Variants in UNC5B observed in about 807,000 individuals in gnomAD.
UNC5B encodes netrin receptor UNC5B.
In UNC5B, 56 loss-of-function variants were observed where a neutral mutation model predicts 103.7. The ratio of observed to expected loss-of-function variants is 0.54; its 90% CI spans 0.44 to 0.67. The LOEUF (loss-of-function observed/expected upper bound fraction) is 0.67, where lower values mean the gene tolerates loss of function less well. Ranked by LOEUF, UNC5B falls within the 30% of genes least tolerant of loss-of-function variation. The pLI, the probability that UNC5B is intolerant of heterozygous loss-of-function variation, is 0.00. For missense variants in UNC5B, 1,194 were observed against 1,284.5 expected (o/e 0.93, Z 1.08); for synonymous variants, 577 against 542.0 (o/e 1.06, Z -0.90).
Position 71,279,912 on chromosome 10 carries a change from C to T in UNC5B, c.171C>T (p.Ala57=), listed in dbSNP as rs769102644. 51 of 1,613,868 alleles carry T rather than the reference C, an allele frequency of 3.2e-5. No individual in the cohort carries two copies. Among genetic ancestry groups the T allele is most frequent in the Middle Eastern group, 1.6e-4 (1 of 6,078 alleles). The change falls in exon 2 of 17, where the codon GCC becomes GCT. Residue 57 remains alanine, a synonymous_variant. Coordinates refer to ENST00000335350, the MANE Select transcript of UNC5B (RefSeq NM_170744.5). ...LPYFLQEPQD[A]YIVKNKPVEL... ...ACTTCCTGCAGGAGCCACAGGACGC[C>T]TACATTGTGAAGAACAAGCCTGTGG...
chr10:71,246,097 G>A (rs1052320260), intron 1 of UNC5B, among the ~76,000 whole-genome samples: 8 of 152,038 alleles, frequency 5.3e-5, no homozygotes, highest in Non-Finnish European at 1.2e-4. Context: ...GGCTTAGCTG[G>A]GAAACAAGAC....
chr10:71,226,054 CGTTTTTATTT>C (rs973094818), intron 1 of UNC5B, among the ~76,000 whole-genome samples: 3 of 141,448 alleles, frequency 2.1e-5, no homozygotes, highest in African/African-American at 8.3e-5. Flanking sequence ...AGATCATAAG[CGTTTTTATTT>C]ATTTTTATTT....
intron 2 of UNC5B, among the ~76,000 whole-genome samples, chr10:71,281,656 A>T (rs543830802): frequency 1.3e-5 from 2 of 152,342 alleles, no homozygotes; most frequent in South Asian, 4.1e-4. Flanking sequence ...AGGAATTTTT[A>T]AGGGGAAACA....
At position 71,287,769 on chromosome 10, in the gene UNC5B, A is replaced by G. The variant is rs766045996; in HGVS notation, c.901+4A>G. 3.1e-6 allele frequency: 5 copies of G among 1,611,166 alleles called. 1 individual carries two copies. In the South Asian group the frequency reaches 3.3e-5, roughly 11 times the overall value. ...GCCTGCACCACCATCTGCCCAGGTA[A>G]GGAGCCTTGTCCATGTCCAGCCCCA... On this transcript the variant is annotated splice_donor_region_variant and intron_variant, in intron 6 of 16. Transcript: ENST00000335350.
chr10:71,267,936 G>T (rs1397870671), intron 1 of UNC5B, among the ~76,000 whole-genome samples: 1 of 152,188 alleles, frequency 6.6e-6, no homozygotes, highest in Non-Finnish European at 1.5e-5. Flanking sequence ...CCTCCTAACT[G>T]CTGTGTGATC....
At chr10:71,240,399 A>T (rs1194660442) in intron 1 of UNC5B, among the ~76,000 whole-genome samples, 1 of 152,156 alleles carries the variant, frequency 6.6e-6, no homozygotes, top group Non-Finnish European at 1.5e-5. Context: ...GACCCCAGTA[A>T]CCCCAGGAAG....
At chr10:71,230,202 A>C (rs1351819222) in intron 1 of UNC5B, among the ~76,000 whole-genome samples, 4 of 151,814 alleles carry the variant, frequency 2.6e-5, no homozygotes, top group Non-Finnish European at 1.5e-5. Flanking sequence ...CCCTAGGGGA[A>C]CTCAGCTGTG....
At chr10:71,290,296 G>T (rs945132590) in intron 8 of UNC5B, among the ~76,000 whole-genome samples, 1 of 152,084 alleles carries the variant, frequency 6.6e-6, no homozygotes, top group East Asian at 1.9e-4. Flanking sequence ...GGCCATGTTT[G>T]CCTGGGGGAG....
At chr10:71,253,869 C>T (rs1436231485) in intron 1 of UNC5B, among the ~76,000 whole-genome samples, 1 of 152,106 alleles carries the variant, frequency 6.6e-6, no homozygotes, top group African/African-American at 2.4e-5. Flanking sequence ...GTTCAGGGAG[C>T]ATTTGTTAAG....
chr10:71,270,644 G>A (rs1844626854), intron 1 of UNC5B, among the ~76,000 whole-genome samples: 1 of 152,140 alleles, frequency 6.6e-6, no homozygotes, highest in African/African-American at 2.4e-5. Context: ...TGGTCGTGCA[G>A]TGTGAGGCAC....
At chr10:71,293,290 T>A (rs1845313612) in intron 11 of UNC5B, 115 bp from the exon 12 acceptor site, 1 of 1,208,524 alleles carries the variant, frequency 8.3e-7, no homozygotes, top group African/African-American at 1.5e-5. Flanking sequence ...GAGCCCTGAG[T>A]GGCAAAGAGC....
chr10:71,287,485 C>A, intron 5 of UNC5B, 113 bp from the exon 6 acceptor site: 1 of 1,356,452 alleles, frequency 7.4e-7, no homozygotes, highest in Non-Finnish European at 9.9e-7. Context: ...AAAGGGGTCT[C>A]ACTAGGAAGG....
chr10:71,271,765 C>A (rs553889688), intron 1 of UNC5B, among the ~76,000 whole-genome samples: 1 of 152,252 alleles, frequency 6.6e-6, no homozygotes, highest in African/African-American at 2.4e-5. Context: ...ATGGACACCC[C>A]CTTCAGGATG....
Position 71,272,848 on chromosome 10 carries a change from C to G in UNC5B, c.80-6973C>G, listed in dbSNP as rs557165292. On this transcript the variant is annotated intron_variant, in intron 1 of 16. Transcript: ENST00000335350. ...AGTTCAGCTAGAGAACAGCTCCTGC[C>G]TGCTGCCACTCCCAGGCACATGCAC... Among the ~76,000 whole-genome samples the G allele has an allele frequency of 1.3e-4, 19 of 151,940 alleles. No individual in the cohort carries two copies. In the East Asian group the frequency reaches 3.3e-3, roughly 26 times the overall value.
chr10:71,233,159 C>G (rs908738008), intron 1 of UNC5B, among the ~76,000 whole-genome samples: 1 of 152,214 alleles, frequency 6.6e-6, no homozygotes, highest in South Asian at 2.1e-4. Context: ...GTTTCTGCCT[C>G]AGACCTCAAT....
At chr10:71,270,769 C>T (rs1564725037) in intron 1 of UNC5B, among the ~76,000 whole-genome samples, 2 of 152,136 alleles carry the variant, frequency 1.3e-5, no homozygotes, top group African/African-American at 4.8e-5. Context: ...CAACTGGGTG[C>T]TTGGCGGAGT....
rs1161518794 is a variant in UNC5B at position 71,244,609 on chromosome 10, A to T, written c.79+31545A>T. Among the ~76,000 whole-genome samples the T allele has an allele frequency of 2.0e-5, 3 of 152,196 alleles. No homozygotes were observed. The East Asian group carries it at 5.8e-4, about 29-fold the overall frequency. ...GGCTAGCCGGGGAGCAGGTGGAAGG[A>T]AAACACTCAGCTTGCATACGTAGAG... On this transcript the variant is annotated intron_variant, in intron 1 of 16. Coordinates refer to ENST00000335350, the MANE Select transcript of UNC5B (RefSeq NM_170744.5).
intron 1 of UNC5B, among the ~76,000 whole-genome samples, chr10:71,227,059 A>C (rs1843579869): frequency 6.7e-6 from 1 of 150,268 alleles, no homozygotes; most frequent in African/African-American, 2.5e-5. Context: ...AAATTGGCTC[A>C]CTACAACCTC....
intron 1 of UNC5B, among the ~76,000 whole-genome samples, chr10:71,235,087 T>TCG (rs1843749961): frequency 1.2e-5 from 1 of 86,770 alleles, no homozygotes; most frequent in Non-Finnish European, 3.2e-5. Context: ...TGCCGCTGCC[T>TCG]CTGACTCTGC....
Sources: allele counts gnomAD v4.1 joint callset (sites outside exome capture counted in the v4.1 genomes callset), GRCh38; gene constraint gnomAD v4.1.1; transcripts MANE v1.5; gene names NCBI Gene and HGNC (gene_info 2026-07-23, HGNC 2026-07-21).